Variants in KIF13A observed in about 807,000 individuals in gnomAD.
KIF13A encodes kinesin-like protein KIF13A.
Under a neutral mutation model 212.2 loss-of-function variants are expected in KIF13A, and 79 were observed. The observed-to-expected ratio is 0.37, with a 90% CI of 0.31 to 0.45. KIF13A has a LOEUF of 0.45. KIF13A is among the 20% of genes least tolerant of loss of function. The pLI, the probability that KIF13A is intolerant of heterozygous loss-of-function variation, is 1.00. For synonymous variants in KIF13A, 789 were observed against 808.6 expected (o/e 0.98, Z 0.41); for missense variants, 1,901 against 2,209.0 (o/e 0.86, Z 2.79).
intron 2 of KIF13A, among the ~76,000 whole-genome samples, chr6:17,943,400 A>ATTTTTTTTTTTTTTTTT (rs11311833): frequency 1.5e-5 from 2 of 132,292 alleles, no homozygotes; most frequent in African/African-American, 2.9e-5. Flanking sequence ...TAAAACACAG[A>ATTTTTTTTTTTTTTTTT]TTTTTTTTTT....
intron 2 of KIF13A, among the ~76,000 whole-genome samples, chr6:17,970,312 T>C (rs1389663215): frequency 6.6e-6 from 1 of 151,996 alleles, no homozygotes; most frequent in Admixed American, 6.6e-5. Flanking sequence ...TAGAAATACA[T>C]AAAAGCAGGC....
rs540326552 is a variant in KIF13A at position 17,815,281 on chromosome 6, G to A, written c.2000+1739C>T. On this transcript the variant is annotated intron_variant, in intron 17 of 38. Coordinates refer to ENST00000259711, the MANE Select transcript of KIF13A (RefSeq NM_022113.6). ...AAAGCAGACCAGGAGAGTGACCACT[G>A]AAGCACAGCATCACAGGGAGACAGG... is the stretch of plus-strand genomic sequence containing the variant. Among the ~76,000 whole-genome samples, 17 of 144,072 alleles carry A rather than the reference G, an allele frequency of 1.2e-4. No individual in the cohort carries two copies. In the South Asian group the frequency reaches 3.2e-3, roughly 27 times the overall value. 94.5% of individuals were successfully genotyped at this position (144,072 alleles called of 152,430 possible).
chr6:17,814,113 C>T (rs548406400), intron 17 of KIF13A, among the ~76,000 whole-genome samples: 187 of 151,446 alleles, frequency 1.2e-3, no homozygotes, highest in African/African-American at 4.0e-3. Context: ...CCACCACGCC[C>T]GGCTAATTTT....
intron 2 of KIF13A, among the ~76,000 whole-genome samples, chr6:17,945,269 A>T (rs905060033): frequency 6.6e-6 from 1 of 152,208 alleles, no homozygotes; most frequent in Non-Finnish European, 1.5e-5. Context: ...AGAAGAGCAC[A>T]TACTGTATGA....
chr6:17,762,113 C>T (rs1164486524), downstream of KIF13A, among the ~76,000 whole-genome samples: 1 of 151,888 alleles, frequency 6.6e-6, no homozygotes, highest in Non-Finnish European at 1.5e-5. Flanking sequence ...CTCTGTTGTC[C>T]AGACTGGTCT....
At chr6:17,827,005 T>A (rs1457981271) in intron 14 of KIF13A, among the ~76,000 whole-genome samples, 6 of 151,790 alleles carry the variant, frequency 4.0e-5, no homozygotes, top group African/African-American at 1.2e-4. Context: ...GAGGTTGCAG[T>A]GAGCCGAGAT....
chr6:17,799,987 C>T lies in KIF13A; in HGVS notation c.2581G>A (p.Glu861Lys). The T allele has an allele frequency of 1.2e-6, 2 of 1,613,934 alleles. No homozygotes were observed. Among genetic ancestry groups the T allele is most frequent in the Non-Finnish European group, 1.7e-6 (2 of 1,179,858 alleles). ...AGCTTTTTGACTCGGTGAATGATTT[C>T]CCCGCTGCTGTCTACGACTTCAAGG... Reference protein sequence around the residue: ...GSLEVVDSSGEIIHRVKKLTC... With the variant: ...GSLEVVDSSGKIIHRVKKLTC... Residue 861 changes from glutamate to lysine, a missense_variant, in exon 21 of 39, where the codon GAA (glutamate) becomes AAA (lysine). By Grantham distance (56) the Glu-to-Lys change is moderately conservative. Coordinates refer to ENST00000259711, the MANE Select transcript of KIF13A (RefSeq NM_022113.6). The surrounding 1 kb of genome is among the most constrained non-coding windows in gnomAD (Gnocchi z 4.4).
rs1011997844 is a variant in KIF13A, at chr6:17,797,727, T to C, written c.2791-907A>G. On this transcript the variant is annotated intron_variant, in intron 22 of 38. Coordinates refer to ENST00000259711, the MANE Select transcript of KIF13A (RefSeq NM_022113.6). ...GACCAGCTTGGGCAACAAAATGAGA[T>C]CCTGTCTCTACAAAGTAAAAACTAG... Among the ~76,000 whole-genome samples the C allele has an allele frequency of 4.6e-5, 7 of 151,948 alleles. No individual in the cohort carries two copies. The South Asian group carries it at 1.0e-3, about 23-fold the overall frequency.
intron 2 of KIF13A, among the ~76,000 whole-genome samples, chr6:17,920,713 A>C (rs749550138): frequency 2.6e-5 from 4 of 151,990 alleles, no homozygotes; most frequent in Non-Finnish European, 5.9e-5. Flanking sequence ...GTCTCTACTA[A>C]AAATACAAAA....
At chr6:17,805,051 T>C (rs1400107454) in intron 19 of KIF13A, among the ~76,000 whole-genome samples, 2 of 152,106 alleles carry the variant, frequency 1.3e-5, no homozygotes, top group African/African-American at 4.8e-5. Context: ...CTTAAATTAC[T>C]CTTAGTAATC....
At chr6:17,916,963 C>T (rs1774566725) in intron 2 of KIF13A, among the ~76,000 whole-genome samples, 1 of 150,530 alleles carries the variant, frequency 6.6e-6, no homozygotes, top group Non-Finnish European at 1.5e-5. Context: ...CTCAATACAA[C>T]AAGCTATAAA....
chr6:17,882,971 T>A (rs1695029230), intron 3 of KIF13A, among the ~76,000 whole-genome samples: 1 of 152,240 alleles, frequency 6.6e-6, no homozygotes, highest in Non-Finnish European at 1.5e-5. Flanking sequence ...TTATATACAA[T>A]TCCCTTTGTT....
At chr6:17,796,599 A>C in intron 23 of KIF13A, 70 bp downstream of exon 23, 1 of 1,021,392 alleles carries the variant, frequency 9.8e-7, no homozygotes, top group Non-Finnish European at 1.3e-6. Context: ...CCTAGGCCAG[A>C]GTAGGTTCAG....
chr6:17,847,994 G>A (rs112231183), intron 9 of KIF13A, among the ~76,000 whole-genome samples: 8,161 of 151,898 alleles, frequency 0.054, 305 homozygotes, highest in Middle Eastern at 0.078. Flanking sequence ...TGCATTTTTA[G>A]TACAGAAGGG....
chr6:17,833,863 A>C (rs1765688063), intron 12 of KIF13A, 98 bp downstream of exon 12: 2 of 653,960 alleles, frequency 3.1e-6, no homozygotes, highest in Admixed American at 7.3e-5. Context: ...CTCAAAAAAA[A>C]AAAAAAAAAA....
intron 2 of KIF13A, among the ~76,000 whole-genome samples, chr6:17,929,074 A>AC (rs1280858462): frequency 5.9e-5 from 9 of 151,806 alleles, no homozygotes; most frequent in South Asian, 4.2e-4. Flanking sequence ...AAAAAAAAAA[A>AC]AAAAAAAAAC....
chr6:17,939,672 AC>A (rs563781740), intron 2 of KIF13A, among the ~76,000 whole-genome samples: 167 of 152,330 alleles, frequency 1.1e-3, no homozygotes, highest in African/African-American at 3.8e-3. Context: ...GCTAAAACCT[AC>A]CAAAACCAAG....
Position 17,794,951 on chromosome 6 carries a change from C to T in KIF13A, c.2943-247G>A. On this transcript the variant is annotated intron_variant, in intron 23 of 38. Coordinates refer to ENST00000259711, the MANE Select transcript of KIF13A (RefSeq NM_022113.6). This position sits in a 1 kb window ranked among gnomAD's most constrained non-coding sequence, Gnocchi z 4.1. ...AGCTCGATGAGTTTTGAGAAATGCA[C>T]ATATGAGTGTAACCTGCCCTATCAC... is the stretch of plus-strand genomic sequence containing the variant. 2.3e-6 allele frequency: 1 copy of T among 442,916 alleles called. No individual in the cohort carries two copies. Among genetic ancestry groups the T allele is most frequent in the Non-Finnish European group, 4.0e-6 (1 of 251,796 alleles). The allele number at this position is 442,916 out of a possible 1,614,324, so 27.4% of individuals were successfully genotyped here. A position where few individuals can be genotyped will look rare whatever the true frequency, so the allele number is the denominator to read the frequency against.
intron 17 of KIF13A, among the ~76,000 whole-genome samples, chr6:17,810,914 A>G (rs935920147): frequency 3.3e-5 from 5 of 152,156 alleles, no homozygotes; most frequent in Non-Finnish European, 7.3e-5. Flanking sequence ...CTGGCCCACT[A>G]TTCACCTCCT....
Sources: gnomAD v4.1 joint callset for allele counts (sites outside exome capture counted in the v4.1 genomes callset) on GRCh38, gnomAD v4.1.1 for gene constraint, Gnocchi (gnomAD v3.1) non-coding constraint, MANE v1.5 for transcripts, NCBI Gene and HGNC (gene_info 2026-07-23, HGNC 2026-07-21) for gene names.